The following HIBADH variants were observed in gnomAD, a reference collection of about 807,000 sequenced individuals.
HIBADH encodes the protein 3-hydroxyisobutyrate dehydrogenase.
Under a neutral mutation model 36.1 loss-of-function variants are expected in HIBADH, and 25 were observed. That is an observed-to-expected ratio of 0.69 (90% CI 0.50 to 0.97). The LOEUF (loss-of-function observed/expected upper bound fraction) is 0.97, where lower values mean the gene tolerates loss of function less well. HIBADH is among the 50% of genes least tolerant of loss of function. HIBADH has a pLI of 0.00. For missense variants in HIBADH, 421 were observed against 418.0 expected, an observed-to-expected ratio of 1.01 and a Z score of -0.06; for synonymous variants, 160 against 149.5, an observed-to-expected ratio of 1.07 and a Z score of -0.51.
Position 27,526,148 on chromosome 7 carries a change from G to A in HIBADH, c.*66C>T, listed in dbSNP as rs1783892261. 7.3e-7 allele frequency: 1 copy of A among 1,365,018 alleles called. No individual in the cohort carries two copies. The highest frequency in any genetic ancestry group is 1.5e-5 in the African/African-American group (1 of 67,444). 84.6% of individuals were successfully genotyped at this position (1,365,018 alleles called of 1,614,324 possible). ...TTGATTAAATCCATTTACTTGTGGAGTGAGCTAAAAGGAGGCTCCAAGACA... is the reference window on the plus strand; with the variant it reads ...TTGATTAAATCCATTTACTTGTGGAATGAGCTAAAAGGAGGCTCCAAGACA... On this transcript the variant is annotated 3_prime_UTR_variant, in exon 8 of 8. Coordinates refer to ENST00000265395, the MANE Select transcript of HIBADH (RefSeq NM_152740.4).
At chr7:27,636,518 A>G (rs1785843763) in intron 2 of HIBADH, among the ~76,000 whole-genome samples, 1 of 152,258 alleles carries the variant, frequency 6.6e-6, no homozygotes, top group East Asian at 1.9e-4. Context: ...TCATTTAACA[A>G]GACCTGAGTG....
At position 27,527,416 on chromosome 7, in the gene HIBADH, T is replaced by A. The variant is rs147717252; in HGVS notation, c.853-1044A>T. ...CAACACAAACGAGGCTCAGCCAAGGTACAGCTAGCTGGGGAGGAGGGAGCT... is the reference window on the plus strand; with the variant it reads ...CAACACAAACGAGGCTCAGCCAAGGAACAGCTAGCTGGGGAGGAGGGAGCT... On this transcript the variant is annotated intron_variant, in intron 7 of 7. Transcript: ENST00000265395. Among the ~76,000 whole-genome samples the A allele has an allele frequency of 9.3e-3, 1,421 of 152,266 alleles. 20 individuals are homozygous for A. Among genetic ancestry groups the A allele is most frequent in the Non-Finnish European group, 0.011 (776 of 68,026 alleles).
chr7:27,536,833 G>A (rs150911780), intron 6 of HIBADH, among the ~76,000 whole-genome samples: 1 of 152,282 alleles, frequency 6.6e-6, no homozygotes, highest in East Asian at 1.9e-4. Flanking sequence ...GAAGCACAGA[G>A]TCAATGGGCA....
chr7:27,636,480 C>T lies in HIBADH; in HGVS notation c.253-4035G>A, dbSNP rs1241466129. Among the ~76,000 whole-genome samples, 2 of 152,192 alleles carry T rather than the reference C, an allele frequency of 1.3e-5. 1 individual carries two copies. Among genetic ancestry groups the T allele is most frequent in the East Asian group, 3.8e-4 (2 of 5,208 alleles). On this transcript the variant is annotated intron_variant, in intron 2 of 7. Coordinates refer to ENST00000265395, the MANE Select transcript of HIBADH (RefSeq NM_152740.4). ...AAACATTTGGTCAACAATGATGGAGCCCACTCAGCAAGAGGCTTTTAAAGC... is the reference window on the plus strand; with the variant it reads ...AAACATTTGGTCAACAATGATGGAGTCCACTCAGCAAGAGGCTTTTAAAGC...
intron 1 of HIBADH, among the ~76,000 whole-genome samples, chr7:27,661,615 G>T (rs1455729417): frequency 6.6e-6 from 1 of 151,242 alleles, no homozygotes; most frequent in African/African-American, 2.4e-5. Flanking sequence ...AAAAAGGGCG[G>T]GGGGCCAAGG....
chr7:27,611,846 T>G (rs780315038), intron 4 of HIBADH, among the ~76,000 whole-genome samples: 1 of 152,186 alleles, frequency 6.6e-6, no homozygotes, highest in Non-Finnish European at 1.5e-5. Context: ...CTCAGAGCCC[T>G]TACAGAGCAA....
intron 4 of HIBADH, among the ~76,000 whole-genome samples, chr7:27,558,348 G>C (rs1178084793): frequency 6.6e-6 from 1 of 151,712 alleles, no homozygotes; most frequent in African/African-American, 2.4e-5. Context: ...TTTTTGGGGG[G>C]ACAGGGTCTC....
intron 7 of HIBADH, among the ~76,000 whole-genome samples, chr7:27,530,497 G>A (rs562742138): frequency 2.0e-4 from 31 of 152,116 alleles, no homozygotes; most frequent in African/African-American, 6.7e-4. Context: ...ATGAGCTATC[G>A]CGCCTGGCCG....
chr7:27,645,796 A>T (rs1397426581), intron 2 of HIBADH, among the ~76,000 whole-genome samples: 1 of 152,062 alleles, frequency 6.6e-6, no homozygotes, highest in African/African-American at 2.4e-5. Flanking sequence ...TGCCCATTTA[A>T]TTGAGTTACT....
At chr7:27,649,413 T>G in intron 2 of HIBADH, 60 bp downstream of exon 2, 2 of 1,350,914 alleles carry the variant, frequency 1.5e-6, no homozygotes, top group Non-Finnish European at 2.0e-6. Context: ...GTCACTTATT[T>G]GAATGTATAT....
chr7:27,654,393 A>G (rs62454911), intron 1 of HIBADH, among the ~76,000 whole-genome samples: 14,147 of 152,166 alleles, frequency 0.093, 911 homozygotes, highest in Non-Finnish European at 0.14. Context: ...AACTCTATGA[A>G]CCCCAATACA....
At chr7:27,558,708 A>AAAAAC (rs772556218) in intron 4 of HIBADH, among the ~76,000 whole-genome samples, 57 of 152,338 alleles carry the variant, frequency 3.7e-4, no homozygotes, top group Non-Finnish European at 3.7e-4. Context: ...AACAAAAAAC[A>AAAAAC]AAAACAAAAC....
intron 4 of HIBADH, among the ~76,000 whole-genome samples, chr7:27,612,400 A>G (rs1295928425): frequency 6.7e-6 from 1 of 148,660 alleles, no homozygotes; most frequent in Non-Finnish European, 1.5e-5. Flanking sequence ...ATGTCGGCTC[A>G]CTGCAGCCTC....
At chr7:27,584,948 C>A (rs968212398) in intron 4 of HIBADH, among the ~76,000 whole-genome samples, 2 of 151,846 alleles carry the variant, frequency 1.3e-5, no homozygotes, top group African/African-American at 4.8e-5. Context: ...ATGGAGGGTA[C>A]ACTGAGAACC....
intron 1 of HIBADH, among the ~76,000 whole-genome samples, chr7:27,657,558 A>G (rs1786329234): frequency 6.6e-6 from 1 of 152,162 alleles, no homozygotes; most frequent in South Asian, 2.1e-4. Flanking sequence ...CTGAAGCTGA[A>G]GAAGTTAAGA....
At chr7:27,592,435 A>C (rs1238089288) in intron 4 of HIBADH, among the ~76,000 whole-genome samples, 1 of 152,226 alleles carries the variant, frequency 6.6e-6, no homozygotes, top group African/African-American at 2.4e-5. Flanking sequence ...AGGAAAGATG[A>C]GAAGAAATAG....
In HIBADH at chr7:27,632,335, C is replaced by T. The variant is rs1303261308; in HGVS notation, c.362+1G>A. On this transcript the variant is annotated splice_donor_variant, in intron 3 of 7. Transcript: ENST00000265395. LOFTEE classifies it high-confidence loss of function. The stretch of plus-strand genomic sequence containing the variant: ...AATATCCACAGGTGAGAAATACATA[C>T]TTTAGAATCCCATTTGCTCCGGAAT... The T allele has an allele frequency of 6.4e-7, 1 of 1,574,106 alleles. No homozygotes were observed. The highest frequency in any genetic ancestry group is 1.1e-5 in the South Asian group (1 of 90,168).
intron 4 of HIBADH, among the ~76,000 whole-genome samples, chr7:27,609,400 C>A (rs1315694799): frequency 6.6e-6 from 1 of 152,100 alleles, no homozygotes; most frequent in Non-Finnish European, 1.5e-5. Flanking sequence ...TTCAAAGAAA[C>A]CCTTGGAATT....
intron 4 of HIBADH, among the ~76,000 whole-genome samples, chr7:27,575,570 C>T (rs4722720): frequency 0.011 from 1,608 of 152,132 alleles, 20 homozygotes; most frequent in African/African-American, 0.032. Flanking sequence ...ACTGAAATCT[C>T]AGAACAGTGA....
Sources: allele counts gnomAD v4.1 joint callset (sites outside exome capture counted in the v4.1 genomes callset), GRCh38; gene constraint gnomAD v4.1.1; transcripts MANE v1.5; gene names NCBI Gene and HGNC (gene_info 2026-07-23, HGNC 2026-07-21).